The following DPP10 variants were observed in gnomAD, a reference collection of about 807,000 sequenced individuals.
DPP10 encodes inactive dipeptidyl peptidase 10.
A neutral mutation model predicts 120.9 loss-of-function variants in DPP10; 33 were observed. The ratio of observed to expected loss-of-function variants is 0.27; its 90% CI spans 0.21 to 0.37. The LOEUF (loss-of-function observed/expected upper bound fraction) is 0.37, where lower values mean the gene tolerates loss of function less well. Among genes scored for constraint, DPP10 ranks in the 10% least tolerant of loss-of-function variants. DPP10 has a pLI of 1.00. For synonymous variants in DPP10, 337 were observed against 326.1 expected, an observed-to-expected ratio of 1.03 and a Z score of -0.36; for missense variants, 816 against 942.8, an observed-to-expected ratio of 0.87 and a Z score of 1.76.
chr2:115,527,613 A>T (rs1223216895), intron 5 of DPP10, among the ~76,000 whole-genome samples: 1 of 152,148 alleles, frequency 6.6e-6, no homozygotes, highest in African/African-American at 2.4e-5. Flanking sequence ...GTGACAAAGG[A>T]TCAACATTCA....
chr2:114,783,967 C>T (rs1682553968), intron 1 of DPP10, among the ~76,000 whole-genome samples: 2 of 152,064 alleles, frequency 1.3e-5, no homozygotes, highest in Admixed American at 6.6e-5. Context: ...TTTCTGCCTC[C>T]TGCCTTGGGG....
intron 3 of DPP10, among the ~76,000 whole-genome samples, chr2:115,381,334 G>A (rs898255810): frequency 2.0e-5 from 3 of 151,964 alleles, no homozygotes; most frequent in Non-Finnish European, 2.9e-5. Context: ...CTTTCTTCCA[G>A]TTGATCGCGT....
chr2:114,625,435 G>A (rs1017009901), intron 1 of DPP10, among the ~76,000 whole-genome samples: 3 of 151,922 alleles, frequency 2.0e-5, no homozygotes, highest in African/African-American at 7.2e-5. Context: ...CTTTAATCTT[G>A]AGATGATTGG....
At chr2:115,517,884 C>T (rs1346895663) in intron 4 of DPP10, among the ~76,000 whole-genome samples, 3 of 152,078 alleles carry the variant, frequency 2.0e-5, no homozygotes, top group South Asian at 2.1e-4. Flanking sequence ...GGGTAATTTA[C>T]GTAAAAGATG....
chr2:114,889,746 T>G (rs1692387162), intron 1 of DPP10, among the ~76,000 whole-genome samples: 1 of 152,182 alleles, frequency 6.6e-6, no homozygotes, highest in Non-Finnish European at 1.5e-5. Context: ...TGGATAAAAT[T>G]TTCACAATAG....
At chr2:115,222,660 A>G (rs1271668595) in intron 1 of DPP10, among the ~76,000 whole-genome samples, 1 of 152,168 alleles carries the variant, frequency 6.6e-6, no homozygotes, top group East Asian at 1.9e-4. Flanking sequence ...GGACAAATAC[A>G]GTAATCTTTG....
intron 1 of DPP10, among the ~76,000 whole-genome samples, chr2:114,599,718 T>C (rs1289380129): frequency 6.6e-6 from 1 of 151,858 alleles, no homozygotes; most frequent in Non-Finnish European, 1.5e-5. Flanking sequence ...AGTTTCACTG[T>C]ATAAGAAATC....
intron 1 of DPP10, among the ~76,000 whole-genome samples, chr2:115,194,770 G>A (rs2055142345): frequency 6.6e-6 from 1 of 152,172 alleles, no homozygotes. Context: ...CTACACGGCA[G>A]AGGACTAGAA....
intron 1 of DPP10, among the ~76,000 whole-genome samples, chr2:114,462,587 T>C (rs972596326): frequency 6.6e-6 from 1 of 152,188 alleles, no homozygotes; most frequent in African/African-American, 2.4e-5. Flanking sequence ...GGATATACTA[T>C]TCAATTCATA....
intron 21 of DPP10, among the ~76,000 whole-genome samples, chr2:115,831,496 C>T (rs62157979): frequency 0.081 from 12,353 of 152,212 alleles, 671 homozygotes; most frequent in Non-Finnish European, 0.12. Context: ...CCTCGGCCTC[C>T]CAAAGTGCTG....
chr2:115,366,007 A>T (rs565787027), intron 3 of DPP10, among the ~76,000 whole-genome samples: 1 of 151,996 alleles, frequency 6.6e-6, no homozygotes, highest in Non-Finnish European at 1.5e-5. Flanking sequence ...TTATAGATTT[A>T]TTTTGTTATG....
intron 1 of DPP10, among the ~76,000 whole-genome samples, chr2:114,663,837 A>G (rs145874456): frequency 5.5e-4 from 84 of 152,090 alleles, no homozygotes; most frequent in Non-Finnish European, 1.0e-3. Flanking sequence ...TTGGAATGGC[A>G]AGAGGATCTT....
intron 3 of DPP10, among the ~76,000 whole-genome samples, chr2:115,401,502 G>C (rs2068071049): frequency 6.6e-6 from 1 of 152,120 alleles, no homozygotes; most frequent in Non-Finnish European, 1.5e-5. Context: ...AAGGTCACTT[G>C]AGCTCAGGAA....
Position 114,486,270 on chromosome 2 carries a change from A to G in DPP10, c.60+43432A>G, listed in dbSNP as rs2104705114. Among the ~76,000 whole-genome samples, 2 of 152,112 alleles carry G rather than the reference A, an allele frequency of 1.3e-5. 1 individual carries two copies. Among genetic ancestry groups the G allele is most frequent in the South Asian group, 4.1e-4 (2 of 4,828 alleles). The stretch of plus-strand genomic sequence containing the variant: ...CTGCATTTCAATTTCTTTTCATATC[A>G]TTTGGGGACATCCATATGGGTCTTG... On this transcript the variant is annotated intron_variant, in intron 1 of 25. Coordinates refer to ENST00000410059, the MANE Select transcript of DPP10 (RefSeq NM_020868.6).
At chr2:114,783,593 T>C (rs902352956) in intron 1 of DPP10, among the ~76,000 whole-genome samples, 1 of 152,122 alleles carries the variant, frequency 6.6e-6, no homozygotes, top group African/African-American at 2.4e-5. Context: ...TTCCAGCACT[T>C]TGACAGGCCA....
chr2:114,843,168 C>T (rs954052208), intron 1 of DPP10, among the ~76,000 whole-genome samples: 5 of 152,014 alleles, frequency 3.3e-5, no homozygotes, highest in African/African-American at 7.2e-5. Flanking sequence ...TTTGAACCCC[C>T]CAAGATGAGA....
In DPP10 at chr2:115,844,324, T is replaced by C. The variant is rs906583806; in HGVS notation, c.*1979T>C. Reference sequence around the variant, plus strand: ...AGGTGTGGTTTTATTGAATGTCTATTTGAGTATCATTTAAAAAGTATTTGC... The same window carrying C: ...AGGTGTGGTTTTATTGAATGTCTATCTGAGTATCATTTAAAAAGTATTTGC... On this transcript the variant is annotated 3_prime_UTR_variant, in exon 26 of 26. Transcript: ENST00000410059. The C allele has an allele frequency of 6.6e-6, 1 of 152,574 alleles. No individual in the cohort carries two copies. Among genetic ancestry groups the C allele is most frequent in the Admixed American group, 6.6e-5 (1 of 15,256 alleles). The allele number at this position is 152,574 out of a possible 1,614,324, so 9.5% of individuals were successfully genotyped here.
chr2:115,779,361 A>ATTTTCT (rs1682484004), intron 15 of DPP10, among the ~76,000 whole-genome samples: 1 of 152,042 alleles, frequency 6.6e-6, no homozygotes, highest in Admixed American at 6.6e-5. Context: ...AGATAATGTT[A>ATTTTCT]GTGTTTGACC....
At chr2:114,545,194 T>C (rs1687292917) in intron 1 of DPP10, among the ~76,000 whole-genome samples, 1 of 152,138 alleles carries the variant, frequency 6.6e-6, no homozygotes, top group African/African-American at 2.4e-5. Context: ...AATTAATGTA[T>C]TTTGTAAATT....
Sources: gnomAD v4.1 joint callset for allele counts (sites outside exome capture counted in the v4.1 genomes callset) on GRCh38, gnomAD v4.1.1 for gene constraint, MANE v1.5 for transcripts, NCBI Gene and HGNC (gene_info 2026-07-23, HGNC 2026-07-21) for gene names.